EXOC4: variants seen among roughly 807,000 people sequenced by gnomAD.
EXOC4 encodes the protein SEC8-like 1.
A neutral mutation model predicts 107.2 loss-of-function variants in EXOC4; 71 were observed. The ratio of observed to expected loss-of-function variants is 0.66; its 90% CI spans 0.55 to 0.81. EXOC4 has a LOEUF of 0.81. Ranked by LOEUF, EXOC4 falls within the 30% of genes least tolerant of loss-of-function variation. The pLI is 0.00. For missense variants in EXOC4, 1,108 were observed against 1,189.6 expected (o/e 0.93, Z 1.01); for synonymous variants, 456 against 441.2 (o/e 1.03, Z -0.42).
rs550056231 is a variant in EXOC4, at chr7:133,327,296, G to A, written c.763+9906G>A. 1.9e-3 allele frequency among the ~76,000 whole-genome samples: 285 copies of A among 152,304 alleles called. 3 individuals carry two copies. The highest frequency in any genetic ancestry group is 6.4e-3 in the African/African-American group (266 of 41,560). ...AATGCAGAAATCACCCGTCTTCTGC[G>A]TCACTCATGCTGTGGGCTGTAGACT... is the stretch of plus-strand genomic sequence containing the variant. On this transcript the variant is annotated intron_variant, in intron 5 of 17. Coordinates refer to ENST00000253861, the MANE Select transcript of EXOC4 (RefSeq NM_021807.4).
chr7:133,796,492 G>C (rs1796817655), intron 10 of EXOC4, among the ~76,000 whole-genome samples: 1 of 152,168 alleles, frequency 6.6e-6, no homozygotes. Context: ...CGCGGTGGTG[G>C]CTCACCCCTG....
At chr7:133,583,277 T>C (rs145637664) in intron 9 of EXOC4, among the ~76,000 whole-genome samples, 1 of 152,318 alleles carries the variant, frequency 6.6e-6, no homozygotes, top group East Asian at 1.9e-4. Flanking sequence ...TTCTTCTCAC[T>C]TCCTTAATAT....
At chr7:133,998,553 A>G (rs1281721551) in intron 15 of EXOC4, among the ~76,000 whole-genome samples, 1 of 152,134 alleles carries the variant, frequency 6.6e-6, no homozygotes, top group Non-Finnish European at 1.5e-5. Flanking sequence ...GGAGGCTGAT[A>G]TGCTTGTAGG....
chr7:133,672,896 A>G (rs2151059436), intron 10 of EXOC4, among the ~76,000 whole-genome samples: 1 of 152,352 alleles, frequency 6.6e-6, no homozygotes, highest in Admixed American at 6.5e-5. Context: ...ATCACTTTTA[A>G]AATGAACAAT....
At chr7:133,889,425 AT>A (rs963891779) in intron 11 of EXOC4, among the ~76,000 whole-genome samples, 30 of 145,592 alleles carry the variant, frequency 2.1e-4, no homozygotes, top group African/African-American at 3.0e-4. Flanking sequence ...TATTATTATT[AT>A]TTTTTTTAAT....
intron 11 of EXOC4, among the ~76,000 whole-genome samples, chr7:133,826,363 T>C (rs1489431734): frequency 5.3e-5 from 8 of 152,218 alleles, no homozygotes; most frequent in African/African-American, 1.7e-4. Context: ...TGCTTACTGC[T>C]ACATTTCATC....
chr7:133,981,041 G>A (rs1395443836), intron 14 of EXOC4, among the ~76,000 whole-genome samples: 1 of 152,198 alleles, frequency 6.6e-6, no homozygotes, highest in Non-Finnish European at 1.5e-5. Flanking sequence ...GGCCACACTT[G>A]TCCTCACTGA....
the EXOC4 span, among the ~76,000 whole-genome samples, chr7:134,098,040 A>G: frequency 6.6e-6 from 1 of 152,204 alleles, no homozygotes. Context: ...AAGCACTGTC[A>G]CGAAAGGAGG....
intron 5 of EXOC4, among the ~76,000 whole-genome samples, chr7:133,350,193 A>G (rs1305510951): frequency 6.6e-6 from 1 of 151,722 alleles, no homozygotes; most frequent in Non-Finnish European, 1.5e-5. Context: ...GTCCAATTTG[A>G]TTTTTTCTTT....
intron 10 of EXOC4, among the ~76,000 whole-genome samples, chr7:133,642,331 C>T (rs1802877008): frequency 6.6e-6 from 1 of 152,148 alleles, no homozygotes; most frequent in Non-Finnish European, 1.5e-5. Context: ...CTTCCAGTTT[C>T]CTTTTTTACA....
intron 3 of EXOC4, 150 bp from the exon 4 acceptor site, chr7:133,305,727 G>A (rs1794736915): frequency 3.6e-6 from 2 of 554,074 alleles, no homozygotes; most frequent in South Asian, 3.7e-5. Context: ...CTCTCCCCTA[G>A]CCACATTATA....
chr7:133,740,143 A>G (rs1224844625), intron 10 of EXOC4, among the ~76,000 whole-genome samples: 1 of 152,206 alleles, frequency 6.6e-6, no homozygotes, highest in Non-Finnish European at 1.5e-5. Context: ...TACTACAAGC[A>G]TGATAATAGT....
chr7:133,536,659 C>G (rs1278582455), intron 9 of EXOC4, among the ~76,000 whole-genome samples: 1 of 151,750 alleles, frequency 6.6e-6, no homozygotes, highest in East Asian at 1.9e-4. Flanking sequence ...AGAGACTCAG[C>G]ATAATAGTGA....
intron 10 of EXOC4, among the ~76,000 whole-genome samples, chr7:133,712,418 A>T: frequency 8.7e-6 from 1 of 114,804 alleles, no homozygotes; most frequent in Non-Finnish European, 1.7e-5. Flanking sequence ...CAGCCTGGGC[A>T]ACAAGAATGA....
intron 10 of EXOC4, among the ~76,000 whole-genome samples, chr7:133,746,964 T>C (rs1795690048): frequency 6.6e-6 from 1 of 152,102 alleles, no homozygotes; most frequent in African/African-American, 2.4e-5. Context: ...AGGAAATAAC[T>C]TGAGGAAAGT....
intron 10 of EXOC4, among the ~76,000 whole-genome samples, chr7:133,704,831 G>T (rs1244708866): frequency 6.6e-6 from 1 of 152,206 alleles, no homozygotes; most frequent in African/African-American, 2.4e-5. Context: ...TTTTCCACTT[G>T]TGGCATCAGG....
chr7:133,253,449 C>G (rs981328229), intron 1 of EXOC4: 4 of 1,212,620 alleles, frequency 3.3e-6, no homozygotes, highest in Non-Finnish European at 4.1e-6. Flanking sequence ...TCTCGGGACC[C>G]CAAAGCACGC....
At chr7:133,983,167 G>A (rs965113417) in intron 14 of EXOC4, among the ~76,000 whole-genome samples, 3 of 152,090 alleles carry the variant, frequency 2.0e-5, no homozygotes, top group African/African-American at 7.2e-5. Flanking sequence ...TAAACAACCA[G>A]ATCTTGCAAG....
At chr7:134,099,176 C>T in the EXOC4 span, among the ~76,000 whole-genome samples, 3 of 152,068 alleles carry the variant, frequency 2.0e-5, no homozygotes, top group African/African-American at 7.2e-5. Context: ...GTAAGGTGAG[C>T]CTCTAATCCC....
Sources: allele counts gnomAD v4.1 joint callset (sites outside exome capture counted in the v4.1 genomes callset), GRCh38; gene constraint gnomAD v4.1.1; transcripts MANE v1.5; gene names NCBI Gene and HGNC (gene_info 2026-07-23, HGNC 2026-07-21).